The following CLCN5 variants were observed in gnomAD, a reference collection of about 807,000 sequenced individuals.
CLCN5 encodes H(+)/Cl(-) exchange transporter 5.
In CLCN5, 17 loss-of-function variants were observed where a neutral mutation model predicts 54.0. The observed-to-expected ratio is 0.31, with a 90% CI of 0.22 to 0.47. The LOEUF is 0.47. Among genes scored for constraint, CLCN5 ranks in the 20% least tolerant of loss-of-function variants. The probability of loss-of-function intolerance (pLI) is 1.00; values close to 1 mark genes in which losing one functional copy is unlikely to be tolerated. For synonymous variants in CLCN5, 222 were observed against 233.0 expected (o/e 0.95, Z 0.43); for missense variants, 448 against 646.7 (o/e 0.69, Z 3.33).
At chrX:49,938,774 G>A (rs1218264005) in intron 3 of CLCN5, among the ~76,000 whole-genome samples, 1 of 105,506 alleles carries the variant, frequency 9.5e-6, no homozygotes, top group African/African-American at 3.4e-5. Context: ...GGCAACAAAA[G>A]CCAAAATTGA....
chrX:50,049,997 A>C (rs1932524207), intron 4 of CLCN5, among the ~76,000 whole-genome samples: 1 of 112,152 alleles, frequency 8.9e-6, no homozygotes, highest in Admixed American at 9.5e-5. Flanking sequence ...ATATGCATTT[A>C]AGATTCATCC....
At chrX:49,977,983 T>G (rs1411482085) in intron 3 of CLCN5, among the ~76,000 whole-genome samples, 1 of 112,117 alleles carries the variant, frequency 8.9e-6, no homozygotes, top group Non-Finnish European at 1.9e-5. Context: ...TCAAGCTGCC[T>G]GCGTTCAGAT....
chrX:50,067,063 T>C (rs1400995776), intron 4 of CLCN5, among the ~76,000 whole-genome samples: 1 of 111,444 alleles, frequency 9.0e-6, no homozygotes, highest in Non-Finnish European at 1.9e-5. Context: ...AGCCCTCTAC[T>C]CTGGGTAGCT....
intron 3 of CLCN5, among the ~76,000 whole-genome samples, chrX:50,012,931 G>A (rs1378457575): frequency 8.9e-6 from 1 of 111,798 alleles, no homozygotes; most frequent in Non-Finnish European, 1.9e-5. Context: ...ATGAGCTCCT[G>A]CATTGCTCAT....
chrX:50,049,591 C>T (rs1178169007), intron 4 of CLCN5, among the ~76,000 whole-genome samples: 1 of 111,990 alleles, frequency 8.9e-6, no homozygotes, highest in Non-Finnish European at 1.9e-5. Flanking sequence ...TCACAGTTAC[C>T]TGGGTCAGCA....
At chrX:50,080,855 G>C (rs1256196920) in intron 8 of CLCN5, 139 bp downstream of exon 8, 4 of 535,620 alleles carry the variant, frequency 7.5e-6, no homozygotes, top group Non-Finnish European at 1.3e-5. Flanking sequence ...TAAGACCTAG[G>C]TCTTTCCACA....
chrX:50,034,666 A>G (rs1469529871), intron 3 of CLCN5, among the ~76,000 whole-genome samples: 2 of 111,216 alleles, frequency 1.8e-5, no homozygotes, highest in Admixed American at 1.9e-4. Flanking sequence ...TTGAGATGGT[A>G]TTAATTTATT....
At chrX:50,063,316 A>G (rs1932894545) in intron 4 of CLCN5, among the ~76,000 whole-genome samples, 1 of 98,512 alleles carries the variant, frequency 1.0e-5, no homozygotes, top group African/African-American at 4.4e-5. Context: ...ATAAAAAATG[A>G]TAAAGGGGAT....
chrX:50,066,570 C>G (rs1933031621), intron 4 of CLCN5, among the ~76,000 whole-genome samples: 1 of 112,066 alleles, frequency 8.9e-6, no homozygotes, highest in South Asian at 3.7e-4. Flanking sequence ...AGGGAATCCT[C>G]CCAATTTAGG....
chrX:50,041,713 T>C (rs974911834), intron 3 of CLCN5, among the ~76,000 whole-genome samples: 5 of 112,040 alleles, frequency 4.5e-5, no homozygotes, highest in Non-Finnish European at 9.4e-5. Flanking sequence ...TGAATGGTTC[T>C]CAAATATTGC....
At chrX:49,957,876 T>C (rs782038279) in intron 3 of CLCN5, among the ~76,000 whole-genome samples, 7 of 111,572 alleles carry the variant, frequency 6.3e-5, no homozygotes, top group Non-Finnish European at 1.3e-4. Flanking sequence ...TGATAGCATG[T>C]TACAAACTAT....
At position 49,978,933 on chromosome X, in the gene CLCN5, G is replaced by A. The variant is rs899002115; in HGVS notation, c.16+53619G>A. On this transcript the variant is annotated intron_variant, in intron 3 of 14. Transcript: ENST00000376091. Reference sequence around the variant, plus strand: ...GATAGCATGATTAAAGGGGTGTTGTGGTCTTGTTTTAAATACATCACTGGA... The same window carrying A: ...GATAGCATGATTAAAGGGGTGTTGTAGTCTTGTTTTAAATACATCACTGGA... Among the ~76,000 whole-genome samples the A allele has an allele frequency of 2.7e-5, 3 of 111,014 alleles. No individual in the cohort carries two copies. The East Asian group carries it at 8.5e-4, about 32-fold the overall frequency.
intron 3 of CLCN5, among the ~76,000 whole-genome samples, chrX:50,032,803 T>C (rs1192911670): frequency 1.5e-4 from 16 of 109,665 alleles, no homozygotes; most frequent in African/African-American, 5.2e-4. Flanking sequence ...CCCATGCCTA[T>C]GTCCTGAATG....
chrX:50,056,735 A>C (rs1185500005), intron 4 of CLCN5, among the ~76,000 whole-genome samples: 1 of 112,006 alleles, frequency 8.9e-6, no homozygotes, highest in Non-Finnish European at 1.9e-5. Flanking sequence ...CAACCCAGTA[A>C]AGATGGAGCT....
At position 50,090,445 on chromosome X, in the gene CLCN5, G is replaced by C. The variant is rs782068103; in HGVS notation, c.2074G>C (p.Val692Leu). 3 of 1,210,535 alleles carry C rather than the reference G, an allele frequency of 2.5e-6. No homozygotes were observed. The highest frequency in any genetic ancestry group is 3.4e-6 in the Non-Finnish European group (3 of 894,716). Residue 692 changes from valine (V) to leucine (L), a missense_variant, in exon 13 of 15, where the codon GTG (valine) becomes CTG (leucine). By Grantham distance (32) the Val-to-Leu change is conservative (BLOSUM62 1). Coordinates refer to ENST00000376091, the MANE Select transcript of CLCN5 (RefSeq NM_001127898.4). ...TGAAACCACTTACAGTGGCTTCCCA[G>C]TGGTGGTATCCCGGGAGTCCCAAAG... is the stretch of plus-strand genomic sequence containing the variant. The part of the protein sequence containing the change: ...ISETTYSGFP[V>L]VVSRESQRLV...
chrX:49,943,144 T>A (rs1171683605), intron 3 of CLCN5, among the ~76,000 whole-genome samples: 1 of 105,069 alleles, frequency 9.5e-6, no homozygotes, highest in Non-Finnish European at 2.0e-5. Flanking sequence ...TTTGCATTTC[T>A]CTGATGGCCA....
intron 3 of CLCN5, among the ~76,000 whole-genome samples, chrX:49,970,508 A>G (rs1928153755): frequency 9.0e-6 from 1 of 111,514 alleles, no homozygotes; most frequent in South Asian, 3.8e-4. Flanking sequence ...TATAAATGAA[A>G]TCATACAGTA....
chrX:50,042,474 G>A lies in CLCN5; in HGVS notation c.163+12G>A. 4 of 996,542 alleles carry A rather than the reference G, an allele frequency of 4.0e-6. No homozygotes were observed. Among genetic ancestry groups the A allele is most frequent in the Non-Finnish European group, 5.2e-6 (4 of 764,436 alleles). 82.1% of individuals were successfully genotyped at this position (996,542 alleles called of 1,213,427 possible). A position where few individuals can be genotyped will look rare whatever the true frequency, so the allele number is the denominator to read the frequency against. The stretch of plus-strand genomic sequence containing the variant: ...CCGAGAAGTAGGAGGTATCATTATT[G>A]GTGATGATAATTTATCTTAATTTTT... On this transcript the variant is annotated intron_variant, in intron 4 of 14. Coordinates refer to ENST00000376091, the MANE Select transcript of CLCN5 (RefSeq NM_001127898.4).
chrX:49,926,247 A>C (rs1381974034), intron 3 of CLCN5, among the ~76,000 whole-genome samples: 2 of 112,498 alleles, frequency 1.8e-5, no homozygotes, highest in Admixed American at 1.9e-4. Flanking sequence ...TATCAATGAG[A>C]AGACATTTAT....
Sources: allele counts gnomAD v4.1 joint callset (sites outside exome capture counted in the v4.1 genomes callset), GRCh38; gene constraint gnomAD v4.1.1; transcripts MANE v1.5; gene names NCBI Gene and HGNC (gene_info 2026-07-23, HGNC 2026-07-21).